The following INSYN2B variants were observed in gnomAD, a reference collection of about 807,000 sequenced individuals.
The protein encoded by INSYN2B is inhibitory synaptic factor family member 2B, also known as protein INSYN2B.
In INSYN2B, 16 loss-of-function variants were observed where a neutral mutation model predicts 41.2. That is an observed-to-expected ratio of 0.39 (90% CI 0.26 to 0.59). The LOEUF is 0.59. INSYN2B is among the 20% of genes least tolerant of loss of function. The pLI, the probability that INSYN2B is intolerant of heterozygous loss-of-function variation, is 0.57. For missense variants in INSYN2B, 608 were observed against 646.4 expected, an observed-to-expected ratio of 0.94 and a Z score of 0.64; for synonymous variants, 245 against 244.4, an observed-to-expected ratio of 1.00 and a Z score of -0.02.
At chr5:169,943,782 G>A (rs1276370163) in intron 1 of INSYN2B, among the ~76,000 whole-genome samples, 1 of 152,174 alleles carries the variant, frequency 6.6e-6, no homozygotes, top group East Asian at 1.9e-4. Context: ...GTTGACGGTA[G>A]GGTCCAGGGA....
chr5:169,964,613 T>C (rs17071934), intron 1 of INSYN2B, among the ~76,000 whole-genome samples: 16,469 of 152,228 alleles, frequency 0.11, 976 homozygotes, highest in Admixed American at 0.18. Flanking sequence ...GAAGGGGCCA[T>C]GGTCAAAGTT....
chr5:169,882,009 A>C (rs1384136677), intron 2 of INSYN2B, among the ~76,000 whole-genome samples: 1 of 152,204 alleles, frequency 6.6e-6, no homozygotes, highest in Non-Finnish European at 1.5e-5. Flanking sequence ...TTTGCCGAAA[A>C]TGAATTGTGC....
Position 169,883,087 on chromosome 5 carries a change from G to T in INSYN2B, c.812C>A (p.Thr271Lys). ...AAGCAATTCAGGTTTAAGTTCCTCT[G>T]TGCCTGGTGTGTGGCTGGCAACGCT... is the stretch of plus-strand genomic sequence containing the variant. ...ATSVASHTPGTEELKPELLLP... is the reference protein window; with the variant it reads ...ATSVASHTPGKEELKPELLLP... The change falls in exon 2 of 4, where the codon ACA (threonine) becomes AAA (lysine). Residue 271 changes from threonine to lysine, a missense_variant. Coordinates refer to ENST00000377365, the MANE Select transcript of INSYN2B (RefSeq NM_001129891.3). The T allele has an allele frequency of 1.3e-6, 2 of 1,551,674 alleles. No homozygotes were observed. Among genetic ancestry groups the T allele is most frequent in the Non-Finnish European group, 1.7e-6 (2 of 1,146,960 alleles).
chr5:169,873,451 T>C (rs1007487876), intron 3 of INSYN2B, among the ~76,000 whole-genome samples: 3 of 152,210 alleles, frequency 2.0e-5, no homozygotes, highest in Admixed American at 1.3e-4. Context: ...GCTCAGTCCA[T>C]ATTGGAATTT....
chr5:169,906,480 TGTTAC>T (rs760616495), intron 1 of INSYN2B, among the ~76,000 whole-genome samples: 18 of 150,996 alleles, frequency 1.2e-4, no homozygotes, highest in Non-Finnish European at 2.4e-4. Context: ...TATTTTATTT[TGTTAC>T]GTTATGTTAT....
At chr5:169,945,462 T>C (rs913817308) in intron 1 of INSYN2B, among the ~76,000 whole-genome samples, 3 of 152,276 alleles carry the variant, frequency 2.0e-5, no homozygotes, top group African/African-American at 7.2e-5. Context: ...AATTGAGCTG[T>C]TACTTCGTGC....
rs889331151 is a variant in INSYN2B, at chr5:169,863,781, G to A, written c.*492C>T. On this transcript the variant is annotated 3_prime_UTR_variant, in exon 4 of 4. Transcript: ENST00000377365. ...TGCCCACTTCTCTTGTGCTTATTAT[G>A]TATGCTGATATCTTAGAAAACTGCC... Among the ~76,000 whole-genome samples the A allele has an allele frequency of 6.6e-6, 1 of 152,194 alleles. No individual in the cohort carries two copies. Among genetic ancestry groups the A allele is most frequent in the Admixed American group, 6.5e-5 (1 of 15,284 alleles).
At chr5:169,961,978 C>CTAA (rs1777104664) in intron 1 of INSYN2B, among the ~76,000 whole-genome samples, 1 of 74,654 alleles carries the variant, frequency 1.3e-5, no homozygotes, top group African/African-American at 6.8e-5. Flanking sequence ...GACTCTGTCC[C>CTAA]AAAAAAAAAA....
At chr5:169,906,027 G>A (rs1415976542) in intron 1 of INSYN2B, among the ~76,000 whole-genome samples, 2 of 152,182 alleles carry the variant, frequency 1.3e-5, no homozygotes, top group Non-Finnish European at 2.9e-5. Context: ...CTCAGCAGGT[G>A]TTGACTGGTT....
At chr5:169,913,166 A>G (rs1011987964) in intron 1 of INSYN2B, among the ~76,000 whole-genome samples, 1 of 152,174 alleles carries the variant, frequency 6.6e-6, no homozygotes, top group Non-Finnish European at 1.5e-5. Context: ...TACTTTCACA[A>G]TTTCATTAGT....
At chr5:169,969,337 C>T (rs377704728) in intron 1 of INSYN2B, among the ~76,000 whole-genome samples, 65 of 151,888 alleles carry the variant, frequency 4.3e-4, no homozygotes, top group African/African-American at 1.4e-3. Flanking sequence ...CCCAGCTACT[C>T]GGGAGGCTGA....
At chr5:169,931,121 A>G (rs1187058726) in intron 1 of INSYN2B, among the ~76,000 whole-genome samples, 1 of 152,202 alleles carries the variant, frequency 6.6e-6, no homozygotes, top group African/African-American at 2.4e-5. Flanking sequence ...TAATGATGCT[A>G]CTAACACCCT....
chr5:169,911,028 T>G (rs1011552908), intron 1 of INSYN2B, among the ~76,000 whole-genome samples: 2 of 152,220 alleles, frequency 1.3e-5, no homozygotes, highest in African/African-American at 4.8e-5. Flanking sequence ...AAAGCATTTC[T>G]ACCTTTGCTG....
chr5:169,908,544 A>T (rs1390118279), intron 1 of INSYN2B, among the ~76,000 whole-genome samples: 1 of 152,140 alleles, frequency 6.6e-6, no homozygotes, highest in African/African-American at 2.4e-5. Flanking sequence ...GAGGAAAATA[A>T]ATCCTTAAAG....
At chr5:169,969,673 C>T (rs1777429965) in intron 1 of INSYN2B, among the ~76,000 whole-genome samples, 2 of 152,244 alleles carry the variant, frequency 1.3e-5, no homozygotes, top group East Asian at 1.9e-4. Flanking sequence ...CCTACAGGGT[C>T]CAGGCAGATA....
At chr5:169,939,596 G>A (rs1381981786) in intron 1 of INSYN2B, among the ~76,000 whole-genome samples, 1 of 152,104 alleles carries the variant, frequency 6.6e-6, no homozygotes, top group Non-Finnish European at 1.5e-5. Flanking sequence ...CAGTATGTTA[G>A]TTTACAAATA....
chr5:169,939,111 A>G (rs563448339), intron 1 of INSYN2B, among the ~76,000 whole-genome samples: 3 of 151,700 alleles, frequency 2.0e-5, no homozygotes, highest in Non-Finnish European at 2.9e-5. Context: ...TCACCGCATT[A>G]GCCAGGATGG....
chr5:169,971,605 T>C (rs1208350259), intron 1 of INSYN2B, among the ~76,000 whole-genome samples: 1 of 152,190 alleles, frequency 6.6e-6, no homozygotes, highest in African/African-American at 2.4e-5. Context: ...CAGAGTGTGA[T>C]GATTCTGCCA....
intron 1 of INSYN2B, among the ~76,000 whole-genome samples, chr5:169,899,660 C>A (rs1773808888): frequency 6.6e-6 from 1 of 152,186 alleles, no homozygotes; most frequent in Admixed American, 6.5e-5. Context: ...GGAAATAGAC[C>A]TCTCTACATA....
Sources: gnomAD v4.1 joint callset for allele counts (sites outside exome capture counted in the v4.1 genomes callset) on GRCh38, gnomAD v4.1.1 for gene constraint, MANE v1.5 for transcripts, NCBI Gene and HGNC (gene_info 2026-07-23, HGNC 2026-07-21) for gene names.